Variants in KCNH7 observed in about 807,000 individuals in gnomAD.
KCNH7 encodes the protein voltage-gated inwardly rectifying potassium channel KCNH7.
KCNH7 carries 49 observed loss-of-function variants against 120.8 expected under a neutral mutation model. That is an observed-to-expected ratio of 0.41 (90% CI 0.32 to 0.51). The LOEUF (loss-of-function observed/expected upper bound fraction) is 0.51. Among genes scored for constraint, KCNH7 ranks in the 20% least tolerant of loss-of-function variants. The pLI is 0.38. For synonymous variants in KCNH7, 547 were observed against 516.1 expected, an observed-to-expected ratio of 1.06 and a Z score of -0.81; for missense variants, 1,097 against 1,446.6, an observed-to-expected ratio of 0.76 and a Z score of 3.92.
At chr2:162,471,976 A>G (rs1315159877) in intron 6 of KCNH7, among the ~76,000 whole-genome samples, 4 of 152,234 alleles carry the variant, frequency 2.6e-5, no homozygotes, top group Non-Finnish European at 5.9e-5. Flanking sequence ...TGACAAAAAC[A>G]AGAAATGGAG....
At chr2:162,494,100 A>T (rs1420491512) in intron 6 of KCNH7, among the ~76,000 whole-genome samples, 1 of 152,182 alleles carries the variant, frequency 6.6e-6, no homozygotes, top group Non-Finnish European at 1.5e-5. Flanking sequence ...GGTTAAGATG[A>T]GATAGAATTA....
intron 2 of KCNH7, among the ~76,000 whole-genome samples, chr2:162,673,815 G>A (rs570573770): frequency 1.3e-5 from 2 of 151,850 alleles, no homozygotes; most frequent in East Asian, 1.9e-4. Flanking sequence ...CTTCAATAGA[G>A]CTAAAAATCA....
intron 2 of KCNH7, among the ~76,000 whole-genome samples, chr2:162,689,475 A>C (rs2105325955): frequency 6.6e-6 from 1 of 152,196 alleles, no homozygotes; most frequent in East Asian, 1.9e-4. Flanking sequence ...ATGGGTATTT[A>C]GATGTCTCTC....
intron 2 of KCNH7, among the ~76,000 whole-genome samples, chr2:162,789,639 T>G (rs1683849618): frequency 6.6e-6 from 1 of 151,954 alleles, no homozygotes; most frequent in African/African-American, 2.4e-5. Context: ...TCAAGAAGGT[T>G]GAAATCATGT....
intron 2 of KCNH7, among the ~76,000 whole-genome samples, chr2:162,577,357 C>CTATCTATT (rs1244484207): frequency 1.6e-5 from 1 of 62,732 alleles, no homozygotes; most frequent in African/African-American, 4.7e-5. Context: ...TCCTATCTAT[C>CTATCTATT]TATCTATCTA....
At chr2:162,524,751 G>A (rs1558994243) in intron 3 of KCNH7, among the ~76,000 whole-genome samples, 1 of 151,924 alleles carries the variant, frequency 6.6e-6, no homozygotes, top group Admixed American at 6.6e-5. Context: ...GATAAACAGA[G>A]ATAATGACTA....
intron 2 of KCNH7, among the ~76,000 whole-genome samples, chr2:162,694,572 C>T (rs1255887624): frequency 6.6e-6 from 1 of 151,932 alleles, no homozygotes; most frequent in Non-Finnish European, 1.5e-5. Context: ...TCTGATGTCA[C>T]ATTCTCTGGG....
chr2:162,805,428 G>A (rs1011974959), intron 2 of KCNH7, among the ~76,000 whole-genome samples: 3 of 152,094 alleles, frequency 2.0e-5, no homozygotes, highest in East Asian at 1.9e-4. Flanking sequence ...CAAAGGACAT[G>A]AATAGACATT....
At chr2:162,813,949 G>A (rs913281740) in intron 2 of KCNH7, among the ~76,000 whole-genome samples, 1 of 152,088 alleles carries the variant, frequency 6.6e-6, no homozygotes, top group East Asian at 1.9e-4. Flanking sequence ...GTAATAATAT[G>A]TCTACAGTAA....
chr2:162,453,649 G>A (rs779290449), intron 6 of KCNH7, among the ~76,000 whole-genome samples: 5 of 152,002 alleles, frequency 3.3e-5, no homozygotes, highest in South Asian at 2.1e-4. Context: ...TTTAATAATC[G>A]TCATTCTGAC....
intron 2 of KCNH7, among the ~76,000 whole-genome samples, chr2:162,713,381 A>T (rs891995254): frequency 6.6e-6 from 1 of 152,202 alleles, no homozygotes; most frequent in Admixed American, 6.5e-5. Flanking sequence ...CCTATGGCCA[A>T]AATTAATAGT....
intron 2 of KCNH7, among the ~76,000 whole-genome samples, chr2:162,599,027 G>A (rs1307440091): frequency 4.6e-5 from 7 of 151,840 alleles, no homozygotes; most frequent in African/African-American, 1.7e-4. Flanking sequence ...AGGCCAAGGC[G>A]GGTGGATCAC....
chr2:162,409,802 G>T (rs1687332101), intron 9 of KCNH7, among the ~76,000 whole-genome samples: 1 of 151,830 alleles, frequency 6.6e-6, no homozygotes, highest in Non-Finnish European at 1.5e-5. Flanking sequence ...CAAGTTCAGA[G>T]ACAAATTAAG....
intron 2 of KCNH7, among the ~76,000 whole-genome samples, chr2:162,740,599 C>T (rs924591208): frequency 2.0e-5 from 3 of 152,160 alleles, no homozygotes; most frequent in Non-Finnish European, 4.4e-5. Flanking sequence ...TGCTCAACAA[C>T]GGTAATGATG....
At chr2:162,540,807 G>A (rs1692277850) in intron 2 of KCNH7, among the ~76,000 whole-genome samples, 1 of 152,128 alleles carries the variant, frequency 6.6e-6, no homozygotes, top group Non-Finnish European at 1.5e-5. Context: ...ACATGTGTGT[G>A]TGATGAATAG....
At chr2:162,667,696 A>G (rs892294397) in intron 2 of KCNH7, among the ~76,000 whole-genome samples, 1 of 152,130 alleles carries the variant, frequency 6.6e-6, no homozygotes, top group African/African-American at 2.4e-5. Flanking sequence ...ACTGGTTCCA[A>G]TTCCTAGATA....
At chr2:162,763,728 AGTGTGTGTGTGTGTGT>A (rs72350942) in intron 2 of KCNH7, among the ~76,000 whole-genome samples, 102 of 139,322 alleles carry the variant, frequency 7.3e-4, no homozygotes, top group African/African-American at 1.5e-3. Flanking sequence ...AGGCATTTGC[AGTGTGTGTGTGTGTGT>A]GTGTGTGTGT....
chr2:162,788,065 A>C (rs1288493313), intron 2 of KCNH7, among the ~76,000 whole-genome samples: 1 of 151,526 alleles, frequency 6.6e-6, no homozygotes, highest in Non-Finnish European at 1.5e-5. Flanking sequence ...GGGGAGACCA[A>C]AAGGATTGCT....
At chr2:162,411,740 A>G (rs1687397604) in intron 9 of KCNH7, among the ~76,000 whole-genome samples, 1 of 151,620 alleles carries the variant, frequency 6.6e-6, no homozygotes, top group Non-Finnish European at 1.5e-5. Context: ...TAAGATATTT[A>G]TTAAAATAAT....
Sources: gnomAD v4.1 joint callset for allele counts (sites outside exome capture counted in the v4.1 genomes callset) on GRCh38, gnomAD v4.1.1 for gene constraint, MANE v1.5 for transcripts, NCBI Gene and HGNC (gene_info 2026-07-23, HGNC 2026-07-21) for gene names.